PRDM16: variants seen among roughly 807,000 people sequenced by gnomAD.
PRDM16 encodes histone-lysine N-methyltransferase PRDM16.
Under a neutral mutation model 110.6 loss-of-function variants are expected in PRDM16, and 23 were observed. The observed-to-expected ratio is 0.21, with a 90% CI of 0.15 to 0.29. The LOEUF (loss-of-function observed/expected upper bound fraction) is 0.29, where lower values mean the gene tolerates loss of function less well. Among genes scored for constraint, PRDM16 ranks in the 10% least tolerant of loss-of-function variants. The pLI, the probability that PRDM16 is intolerant of heterozygous loss-of-function variation, is 1.00. For synonymous variants in PRDM16, 799 were observed against 781.8 expected, an observed-to-expected ratio of 1.02 and a Z score of -0.37; for missense variants, 1,615 against 1,794.3, an observed-to-expected ratio of 0.90 and a Z score of 1.81.
At chr1:3,231,802 C>T (rs376469786) in intron 2 of PRDM16, among the ~76,000 whole-genome samples, 27 of 152,206 alleles carry the variant, frequency 1.8e-4, no homozygotes, top group African/African-American at 6.5e-4. Context: ...ACGGGCAGAG[C>T]GGGCAGCCTT....
At chr1:3,311,577 T>C (rs968786223) in intron 3 of PRDM16, among the ~76,000 whole-genome samples, 11 of 152,136 alleles carry the variant, frequency 7.2e-5, no homozygotes, top group African/African-American at 2.7e-4. Flanking sequence ...GACTTTGCCA[T>C]CATTTAATCC....
At chr1:3,313,316 G>A (rs139878619) in intron 3 of PRDM16, among the ~76,000 whole-genome samples, 1,730 of 152,314 alleles carry the variant, frequency 0.011, 12 homozygotes, top group Middle Eastern at 0.024. Context: ...AGCGCCGAGC[G>A]GTGAGTCAGA....
In PRDM16 at chr1:3,277,765, G is replaced by A. The variant is rs141160227; in HGVS notation, c.438+33628G>A. The stretch of plus-strand genomic sequence containing the variant: ...CGCACACGCACACACATGCACACAC[G>A]CGCACACACACGCACACATATGCAC... On this transcript the variant is annotated intron_variant, in intron 3 of 16. Transcript: ENST00000270722. Among the ~76,000 whole-genome samples, 49 of 129,904 alleles carry A rather than the reference G, an allele frequency of 3.8e-4. 1 individual carries two copies. The South Asian group carries it at 5.0e-3, about 13-fold the overall frequency. The allele number at this position is 129,904 out of a possible 152,430, so 85.2% of individuals were successfully genotyped here.
At chr1:3,297,844 A>G (rs933423715) in intron 3 of PRDM16, among the ~76,000 whole-genome samples, 2 of 147,664 alleles carry the variant, frequency 1.4e-5, no homozygotes, top group African/African-American at 5.4e-5. Flanking sequence ...AGGAGTAAAA[A>G]GGGAATAGAA....
Position 3,414,579 on chromosome 1 carries a change from G to A in PRDM16, c.2623G>A (p.Val875Ile). The A allele has an allele frequency of 6.2e-7, 1 of 1,613,452 alleles. No individual in the cohort carries two copies. Among genetic ancestry groups the A allele is most frequent in the Non-Finnish European group, 8.5e-7 (1 of 1,179,800 alleles). ...GTCCAGCAGGGTAGAAAAGCGGAAG[G>A]TCACAGACCCCGTGGGAGCCCTGAA... ...PIYSRVEKRK[V>I]TDPVGALKEK... The change falls in exon 10 of 17, where the codon GTC becomes ATC. Residue 875 changes from valine (V) to isoleucine (I), a missense_variant. This residue lies in a region of PRDM16 where 772 missense variants were observed against 748.3 expected (regional missense o/e 1.03). Transcript: ENST00000270722.
chr1:3,092,742 G>A (rs1047482494), intron 1 of PRDM16, among the ~76,000 whole-genome samples: 1 of 152,182 alleles, frequency 6.6e-6, no homozygotes, highest in Non-Finnish European at 1.5e-5. Flanking sequence ...CAAGCTGGGG[G>A]CTGATGCACT....
rs955584910 is a variant in PRDM16 at position 3,265,772 on chromosome 1, C to T, written c.438+21635C>T. Among the ~76,000 whole-genome samples the T allele has an allele frequency of 6.6e-5, 10 of 152,136 alleles. No homozygotes were observed. The highest frequency in any genetic ancestry group is 1.2e-4 in the African/African-American group (5 of 41,414). On this transcript the variant is annotated intron_variant, in intron 3 of 16. Transcript: ENST00000270722. This position sits in a 1 kb window ranked among gnomAD's most constrained non-coding sequence, Gnocchi z 4.5. ...AGCCAGACAGGCATTATCCAGCTGG[C>T]ACCTCACGCTCTGTCCTCACCGCCC...
chr1:3,246,390 C>T lies in PRDM16; in HGVS notation c.438+2253C>T, dbSNP rs750543717. Among the ~76,000 whole-genome samples, 17 of 152,184 alleles carry T rather than the reference C, an allele frequency of 1.1e-4. No homozygotes were observed. The highest frequency in any genetic ancestry group is 2.4e-4 in the Non-Finnish European group (16 of 68,026). On this transcript the variant is annotated intron_variant, in intron 3 of 16. Coordinates refer to ENST00000270722, the MANE Select transcript of PRDM16 (RefSeq NM_022114.4). The surrounding 1 kb of genome is among the most constrained non-coding windows in gnomAD (Gnocchi z 5.2). ...AGGAGTCTCAGGTTCCGCCATCCCA[C>T]GGAATCAGAGCAGACCCGATGCACG...
rs571206264 is a variant in PRDM16, at chr1:3,336,585, C to G, written c.439-48567C>G. Among the ~76,000 whole-genome samples, 235 of 139,356 alleles carry G rather than the reference C, an allele frequency of 1.7e-3. 2 individuals carry two copies. The highest frequency in any genetic ancestry group is 5.9e-3 in the African/African-American group (221 of 37,144). 91.4% of individuals were successfully genotyped at this position (139,356 alleles called of 152,430 possible). ...ATGTGTGTTGGTGTGAGTCTGAGTGCATGCATGCACATCTGTGTTGGTGTG... is the reference window on the plus strand; with the variant it reads ...ATGTGTGTTGGTGTGAGTCTGAGTGGATGCATGCACATCTGTGTTGGTGTG... On this transcript the variant is annotated intron_variant, in intron 3 of 16. Transcript: ENST00000270722.
chr1:3,419,209 G>A (rs374933708), intron 12 of PRDM16, among the ~76,000 whole-genome samples: 1 of 152,300 alleles, frequency 6.6e-6, no homozygotes, highest in Non-Finnish European at 1.5e-5. Context: ...GTGAGACTCC[G>A]TGCAAATGCG....
intron 1 of PRDM16, among the ~76,000 whole-genome samples, chr1:3,182,408 G>A (rs150004876): frequency 3.3e-5 from 5 of 152,316 alleles, no homozygotes; most frequent in Non-Finnish European, 5.9e-5. Flanking sequence ...GGCCGGTTTA[G>A]CACAGTGGTC....
intron 3 of PRDM16, among the ~76,000 whole-genome samples, chr1:3,347,397 G>C (rs1642382175): frequency 6.6e-6 from 1 of 152,226 alleles, no homozygotes; most frequent in African/African-American, 2.4e-5. Context: ...AAGGAGCCCG[G>C]AACACCCTGG....
intron 2 of PRDM16, among the ~76,000 whole-genome samples, chr1:3,198,371 C>G (rs181185772): frequency 6.6e-6 from 1 of 152,354 alleles, no homozygotes; most frequent in Non-Finnish European, 1.5e-5. Context: ...CTTGGCTGGG[C>G]CTTTCCTGTC....
intron 1 of PRDM16, among the ~76,000 whole-genome samples, chr1:3,076,651 C>T (rs1641907560): frequency 1.3e-5 from 2 of 152,198 alleles, no homozygotes; most frequent in Non-Finnish European, 2.9e-5. Flanking sequence ...GGAAAGGGCT[C>T]AGGAGGCTTA....
In PRDM16 at chr1:3,206,189, C is replaced by CCA. The variant is rs1231604670; in HGVS notation, c.387+19719_387+19720dup. ...AACCTACTCTGGGAGAACCAACACCCCACACTAAGCCAGTGGCCCACACTG... is the reference window on the plus strand; with the variant it reads ...AACCTACTCTGGGAGAACCAACACCCCACACACTAAGCCAGTGGCCCACACTG... On this transcript the variant is annotated intron_variant, in intron 2 of 16. Transcript: ENST00000270722. The surrounding 1 kb of genome is among the most constrained non-coding windows in gnomAD (Gnocchi z 4.9). 6.6e-6 allele frequency: 1 copy of CCA among 152,228 alleles called. No homozygotes were observed. Among genetic ancestry groups the CCA allele is most frequent in the Admixed American group, 6.5e-5 (1 of 15,292 alleles). 9.4% of individuals were successfully genotyped at this position (152,228 alleles called of 1,614,324 possible).
chr1:3,078,514 G>T (rs1193565707), intron 1 of PRDM16, among the ~76,000 whole-genome samples: 1 of 152,248 alleles, frequency 6.6e-6, no homozygotes, highest in East Asian at 1.9e-4. Context: ...TGGCGCGGAG[G>T]TGCCTGTTCC....
intron 2 of PRDM16, among the ~76,000 whole-genome samples, chr1:3,241,445 A>G (rs1045801809): frequency 9.7e-4 from 147 of 152,180 alleles, no homozygotes; most frequent in Non-Finnish European, 4.9e-4. Context: ...CAGCTGTGGC[A>G]GCTGCCCCCA....
intron 3 of PRDM16, among the ~76,000 whole-genome samples, chr1:3,336,553 C>T (rs1386253407): frequency 1.3e-5 from 2 of 151,592 alleles, no homozygotes; most frequent in East Asian, 2.0e-4. Flanking sequence ...TGAGTGCATG[C>T]ATGCACATGT....
At chr1:3,131,572 C>T (rs1643335899) in intron 1 of PRDM16, among the ~76,000 whole-genome samples, 2 of 152,194 alleles carry the variant, frequency 1.3e-5, no homozygotes, top group South Asian at 2.1e-4. Context: ...CTTCTTTATG[C>T]CTGTACTGCA....
Sources: gnomAD v4.1 joint callset for allele counts (sites outside exome capture counted in the v4.1 genomes callset) on GRCh38, gnomAD v4.1.1 for gene constraint, gnomAD v4.1.1 regional missense constraint, Gnocchi (gnomAD v3.1) non-coding constraint, MANE v1.5 for transcripts, NCBI Gene and HGNC (gene_info 2026-07-23, HGNC 2026-07-21) for gene names.